Variants in ARHGAP10 observed in about 807,000 individuals in gnomAD.
The protein encoded by ARHGAP10 is rho GTPase-activating protein 10.
A neutral mutation model predicts 108.6 loss-of-function variants in ARHGAP10; 87 were observed. The ratio of observed to expected loss-of-function variants is 0.80; its 90% CI spans 0.67 to 0.96. The LOEUF is 0.96. Among genes scored for constraint, ARHGAP10 ranks in the 40% least tolerant of loss-of-function variants. The probability of loss-of-function intolerance (pLI) is 0.00; values close to 1 mark genes in which losing one functional copy is unlikely to be tolerated. For missense variants in ARHGAP10, 939 were observed against 954.5 expected (o/e 0.98, Z 0.21); for synonymous variants, 347 against 341.1 (o/e 1.02, Z -0.19).
intron 10 of ARHGAP10, among the ~76,000 whole-genome samples, chr4:147,892,299 G>A (rs1394293333): frequency 2.0e-5 from 3 of 152,182 alleles, no homozygotes; most frequent in Non-Finnish European, 4.4e-5. Context: ...CAATTTAAAA[G>A]AGTGAGTTAA....
intron 1 of ARHGAP10, among the ~76,000 whole-genome samples, chr4:147,771,719 ATTGTGTT>A (rs980590115): frequency 2.6e-5 from 4 of 152,186 alleles, no homozygotes; most frequent in African/African-American, 9.7e-5. Flanking sequence ...TGTCAGTGAA[ATTGTGTT>A]TTAAGTATGT....
At chr4:147,797,165 C>A (rs530756012) in intron 1 of ARHGAP10, among the ~76,000 whole-genome samples, 1 of 152,172 alleles carries the variant, frequency 6.6e-6, no homozygotes, top group South Asian at 2.1e-4. Context: ...GTGGCCTTTT[C>A]CTTTCATTTA....
chr4:147,962,129 C>A (rs1739022812), intron 16 of ARHGAP10, among the ~76,000 whole-genome samples: 1 of 152,192 alleles, frequency 6.6e-6, no homozygotes, highest in Non-Finnish European at 1.5e-5. Flanking sequence ...CCATTCCCTC[C>A]ACCATCATCT....
At chr4:147,761,099 G>A (rs1293491241) in intron 1 of ARHGAP10, among the ~76,000 whole-genome samples, 3 of 150,374 alleles carry the variant, frequency 2.0e-5, no homozygotes, top group East Asian at 3.9e-4. Flanking sequence ...CCACTGCTGC[G>A]TCCACCTTCC....
At chr4:147,805,840 A>G (rs1259065049) in intron 1 of ARHGAP10, among the ~76,000 whole-genome samples, 17 of 152,280 alleles carry the variant, frequency 1.1e-4, no homozygotes, top group Middle Eastern at 6.8e-3. Flanking sequence ...TAAATTAACT[A>G]TCTTACTCAT....
At chr4:147,874,043 C>A (rs1328957599) in intron 7 of ARHGAP10, among the ~76,000 whole-genome samples, 1 of 151,492 alleles carries the variant, frequency 6.6e-6, no homozygotes, top group Non-Finnish European at 1.5e-5. Flanking sequence ...AAACAACAAA[C>A]CTCTGCAGAC....
chr4:147,944,791 TG>T (rs2126968367), intron 14 of ARHGAP10, among the ~76,000 whole-genome samples: 1 of 152,282 alleles, frequency 6.6e-6, no homozygotes, highest in African/African-American at 2.4e-5. Flanking sequence ...ATAGTAGGTG[TG>T]TAGAAAACCA....
chr4:148,013,250 T>C (rs894498836), intron 18 of ARHGAP10, among the ~76,000 whole-genome samples: 2 of 152,222 alleles, frequency 1.3e-5, no homozygotes, highest in Non-Finnish European at 2.9e-5. Flanking sequence ...TTGGATTCTC[T>C]CTTAAATATG....
At chr4:147,960,156 A>G (rs1362455521) in intron 16 of ARHGAP10, among the ~76,000 whole-genome samples, 1 of 152,038 alleles carries the variant, frequency 6.6e-6, no homozygotes, top group African/African-American at 2.4e-5. Flanking sequence ...CCAGATTAAG[A>G]ACTGGATTAT....
At chr4:147,988,720 C>G (rs1044065463) in intron 18 of ARHGAP10, among the ~76,000 whole-genome samples, 3 of 152,176 alleles carry the variant, frequency 2.0e-5, no homozygotes, top group Non-Finnish European at 4.4e-5. Context: ...TCAGAGTCAG[C>G]CTTTGTGGCC....
chr4:147,944,186 AATT>A (rs1411183377), intron 14 of ARHGAP10, among the ~76,000 whole-genome samples: 1 of 152,192 alleles, frequency 6.6e-6, no homozygotes, highest in Non-Finnish European at 1.5e-5. Flanking sequence ...TTTAGAACAG[AATT>A]ATTTAGTCCT....
intron 1 of ARHGAP10, among the ~76,000 whole-genome samples, chr4:147,818,248 G>A (rs1490612904): frequency 1.3e-5 from 2 of 151,218 alleles, no homozygotes; most frequent in African/African-American, 2.4e-5. Context: ...AAGTCAATTA[G>A]CGTAGAGCAG....
intron 1 of ARHGAP10, among the ~76,000 whole-genome samples, chr4:147,820,371 C>T (rs982249798): frequency 1.8e-4 from 28 of 152,080 alleles, no homozygotes; most frequent in Non-Finnish European, 2.5e-4. Flanking sequence ...CTGCAACCTT[C>T]GCCTCCTGAG....
At chr4:147,802,641 G>A (rs953983529) in intron 1 of ARHGAP10, among the ~76,000 whole-genome samples, 3 of 152,202 alleles carry the variant, frequency 2.0e-5, no homozygotes, top group Non-Finnish European at 2.9e-5. Flanking sequence ...GCTCTGCTTC[G>A]CAGGAAACCA....
At chr4:147,796,842 A>G (rs1163414336) in intron 1 of ARHGAP10, among the ~76,000 whole-genome samples, 1 of 152,172 alleles carries the variant, frequency 6.6e-6, no homozygotes, top group Non-Finnish European at 1.5e-5. Flanking sequence ...TATTTCTGGA[A>G]TGCTAGTACT....
rs117299531 is a variant in ARHGAP10, at chr4:148,062,186, C to T, written c.2028-962C>T. Among the ~76,000 whole-genome samples the T allele has an allele frequency of 4.7e-4, 71 of 152,224 alleles. No individual in the cohort carries two copies. The East Asian group carries it at 0.012, about 25-fold the overall frequency. ...TTGGCCCTAGGTTGCTGAGTGTCAC[C>T]GTGTTGGAGGATTGCACCTAGGGGC... On this transcript the variant is annotated intron_variant, in intron 20 of 22. Transcript: ENST00000336498.
rs371361237 is a variant in ARHGAP10 at position 148,064,359 on chromosome 4, GT to G, written c.2181-54del. 18 of 1,541,912 alleles carry G rather than the reference GT, an allele frequency of 1.2e-5. No homozygotes were observed. The East Asian group carries it at 2.5e-4, about 21-fold the overall frequency. ...TGGGGAAGGGGGGTTGGGGGGTGAA[GT>G]TTCTCTCTGTTTTCCACATTTTCAT... On this transcript the variant is annotated intron_variant, in intron 21 of 22. Transcript: ENST00000336498.
intron 18 of ARHGAP10, among the ~76,000 whole-genome samples, chr4:147,985,163 C>T (rs765883295): frequency 6.6e-6 from 1 of 151,868 alleles, no homozygotes; most frequent in Non-Finnish European, 1.5e-5. Flanking sequence ...ACAGTCTCTG[C>T]ACAAGAAGGG....
chr4:147,820,297 T>C (rs1027692236), intron 1 of ARHGAP10, among the ~76,000 whole-genome samples: 3 of 152,172 alleles, frequency 2.0e-5, no homozygotes, highest in Non-Finnish European at 2.9e-5. Flanking sequence ...TTATTTACTT[T>C]ATTATTTTGA....
Sources: allele counts gnomAD v4.1 joint callset (sites outside exome capture counted in the v4.1 genomes callset), GRCh38; gene constraint gnomAD v4.1.1; transcripts MANE v1.5; gene names NCBI Gene and HGNC (gene_info 2026-07-23, HGNC 2026-07-21).